CYYR1: variants seen among roughly 807,000 people sequenced by gnomAD.
CYYR1 encodes the protein cysteine and tyrosine-rich protein 1.
In CYYR1, 14 loss-of-function variants were observed where a neutral mutation model predicts 15.2. The observed-to-expected ratio is 0.92, with a 90% CI of 0.61 to 1.44. CYYR1 has a LOEUF of 1.44. Among genes scored for constraint, CYYR1 ranks in the 40% most tolerant of loss-of-function variants. The pLI, the probability that CYYR1 is intolerant of heterozygous loss-of-function variation, is 0.00. For synonymous variants in CYYR1, 80 were observed against 77.4 expected (o/e 1.03, Z -0.18); for missense variants, 228 against 209.5 (o/e 1.09, Z -0.54).
chr21:26,545,825 C>T (rs1310060897), intron 2 of CYYR1, among the ~76,000 whole-genome samples: 5 of 151,722 alleles, frequency 3.3e-5, no homozygotes, highest in Admixed American at 1.3e-4. Flanking sequence ...CCTCGTGATC[C>T]GCCCGCCTCG....
chr21:26,472,754 G>A (rs1004158879), intron 3 of CYYR1, among the ~76,000 whole-genome samples: 4 of 152,028 alleles, frequency 2.6e-5, no homozygotes, highest in African/African-American at 9.7e-5. Context: ...TTACCTTACT[G>A]ACATTCTGAA....
At chr21:26,477,837 A>G in intron 3 of CYYR1, 1 of 1,208,232 alleles carries the variant, frequency 8.3e-7, no homozygotes, top group Non-Finnish European at 1.0e-6. Context: ...AATAATAATA[A>G]AAATAATTCC....
At chr21:26,555,991 C>T (rs1012618764) in intron 2 of CYYR1, among the ~76,000 whole-genome samples, 1 of 152,162 alleles carries the variant, frequency 6.6e-6, no homozygotes, top group African/African-American at 2.4e-5. Context: ...TGATGGAGCA[C>T]ATTCAACCCA....
At chr21:26,558,364 T>G (rs1229717856) in intron 2 of CYYR1, among the ~76,000 whole-genome samples, 2 of 152,198 alleles carry the variant, frequency 1.3e-5, no homozygotes, top group East Asian at 1.9e-4. Flanking sequence ...TTAAAACAAT[T>G]TTTTGAGACA....
chr21:26,505,407 C>T (rs1428208625), intron 2 of CYYR1, among the ~76,000 whole-genome samples: 2 of 152,198 alleles, frequency 1.3e-5, no homozygotes, highest in Admixed American at 6.5e-5. Flanking sequence ...GAGCTTAAGA[C>T]TGAGCTTTGA....
At chr21:26,498,307 G>A (rs944068903) in intron 2 of CYYR1, among the ~76,000 whole-genome samples, 4 of 152,170 alleles carry the variant, frequency 2.6e-5, no homozygotes, top group African/African-American at 9.7e-5. Flanking sequence ...AAATGACCTT[G>A]TCTTTCTTAT....
chr21:26,488,120 G>A (rs771558976), intron 2 of CYYR1, among the ~76,000 whole-genome samples: 14 of 152,038 alleles, frequency 9.2e-5, no homozygotes, highest in Admixed American at 2.0e-4. Context: ...ATAAATTTAC[G>A]TGATTTATTG....
chr21:26,482,490 C>T lies in CYYR1; in HGVS notation c.177-2061G>A, dbSNP rs989923998. 3 of 985,138 alleles carry T rather than the reference C, an allele frequency of 3.0e-6. No individual in the cohort carries two copies. The African/African-American group carries it at 5.2e-5, about 17-fold the overall frequency. 61.0% of individuals were successfully genotyped at this position (985,138 alleles called of 1,614,324 possible). On this transcript the variant is annotated intron_variant, in intron 2 of 3. Transcript: ENST00000652641. ...GAACCTGGAACTGTTCCCCTTGAGC[C>T]CTGTTTGCTGGTCCTCACATTTAGT... is the stretch of plus-strand genomic sequence containing the variant.
chr21:26,545,564 A>ATTTTTTTTTT (rs1555910241), intron 2 of CYYR1, among the ~76,000 whole-genome samples: 1 of 73,862 alleles, frequency 1.4e-5, no homozygotes, highest in Non-Finnish European at 2.9e-5. Context: ...TAAGATGCTT[A>ATTTTTTTTTT]TTCTTTTTTT....
At chr21:26,532,591 G>T (rs1395331674) in intron 2 of CYYR1, among the ~76,000 whole-genome samples, 1 of 152,132 alleles carries the variant, frequency 6.6e-6, no homozygotes, top group Admixed American at 6.6e-5. Context: ...AAATGGAAAG[G>T]CTGCCATTGT....
At chr21:26,545,567 C>CT (rs770885517) in intron 2 of CYYR1, among the ~76,000 whole-genome samples, 5,144 of 73,030 alleles carry the variant, frequency 0.07, 1,338 homozygotes, top group African/African-American at 0.12. Context: ...GATGCTTATT[C>CT]TTTTTTTTTT....
In CYYR1 at chr21:26,468,087, C is replaced by A; in HGVS notation, c.*414G>T. ...AAAGAATGAACAATTCTAGTTCTGA[C>A]TTTTAAAGCTATATAGAATAAAGTT... On this transcript the variant is annotated 3_prime_UTR_variant, in exon 4 of 4. Coordinates refer to ENST00000652641, the MANE Select transcript of CYYR1 (RefSeq NM_001320768.2). The A allele has an allele frequency of 4.0e-6, 1 of 249,352 alleles. No individual in the cohort carries two copies. Among genetic ancestry groups the A allele is most frequent in the Non-Finnish European group, 7.9e-6 (1 of 127,178 alleles). The allele number at this position is 249,352 out of a possible 1,614,324, so 15.4% of individuals were successfully genotyped here.
chr21:26,500,743 A>C (rs1416208255), intron 2 of CYYR1, among the ~76,000 whole-genome samples: 1 of 152,180 alleles, frequency 6.6e-6, no homozygotes, highest in African/African-American at 2.4e-5. Flanking sequence ...CCCCAAGGGC[A>C]GGTGACCCAC....
At chr21:26,551,335 G>A (rs1248131869) in intron 2 of CYYR1, 1 of 152,640 alleles carries the variant, frequency 6.6e-6, no homozygotes, top group Non-Finnish European at 1.5e-5. Flanking sequence ...GGATCACAGA[G>A]TAATTTTGAC....
Position 26,490,315 on chromosome 21 carries a change from A to T in CYYR1, c.177-9886T>A, listed in dbSNP as rs375408587. On this transcript the variant is annotated intron_variant, in intron 2 of 3. Coordinates refer to ENST00000652641, the MANE Select transcript of CYYR1 (RefSeq NM_001320768.2). Reference sequence around the variant, plus strand: ...ACCCTGTCTCAAAAAATTTAAAAAAAATATATATATATTGAGCATCACTAC... The same window carrying T: ...ACCCTGTCTCAAAAAATTTAAAAAATATATATATATATTGAGCATCACTAC... Among the ~76,000 whole-genome samples, 353 of 151,892 alleles carry T rather than the reference A, an allele frequency of 2.3e-3. 3 individuals are homozygous for T. Among genetic ancestry groups the T allele is most frequent in the Middle Eastern group, 3.4e-3 (1 of 294 alleles).
At chr21:26,476,596 C>CTATCTATCTATT (rs2065107563) in intron 3 of CYYR1, among the ~76,000 whole-genome samples, 1 of 147,268 alleles carries the variant, frequency 6.8e-6, no homozygotes, top group Non-Finnish European at 1.5e-5. Flanking sequence ...ATCTATCTAT[C>CTATCTATCTATT]TATCTATCTA....
chr21:26,549,782 G>A (rs967624455), intron 2 of CYYR1, among the ~76,000 whole-genome samples: 2 of 151,818 alleles, frequency 1.3e-5, no homozygotes, highest in African/African-American at 4.8e-5. Flanking sequence ...AAGCTTCCAC[G>A]GTATTATTTG....
intron 2 of CYYR1, among the ~76,000 whole-genome samples, chr21:26,541,363 T>C (rs773118706): frequency 1.1e-4 from 16 of 151,996 alleles, no homozygotes; most frequent in Non-Finnish European, 1.6e-4. Flanking sequence ...AAAGCATCCA[T>C]AGAAAAAAGA....
chr21:26,469,863 G>A (rs1022697955), intron 3 of CYYR1, among the ~76,000 whole-genome samples: 2 of 151,900 alleles, frequency 1.3e-5, no homozygotes, highest in African/African-American at 4.8e-5. Flanking sequence ...ATTTTGTAGT[G>A]GTTTCAGTTC....
Sources: gnomAD v4.1 joint callset for allele counts (sites outside exome capture counted in the v4.1 genomes callset) on GRCh38, gnomAD v4.1.1 for gene constraint, MANE v1.5 for transcripts, NCBI Gene and HGNC (gene_info 2026-07-23, HGNC 2026-07-21) for gene names.